CD63: variants seen among roughly 807,000 people sequenced by gnomAD.
CD63 encodes the protein CD63 molecule, also known as CD63 antigen.
CD63 carries 16 observed loss-of-function variants against 29.2 expected under a neutral mutation model. The observed-to-expected ratio is 0.55, with a 90% CI of 0.37 to 0.83. CD63 has a LOEUF of 0.83. Ranked by LOEUF, CD63 falls within the 40% of genes least tolerant of loss-of-function variation. CD63 has a pLI of 0.00. For missense variants in CD63, 251 were observed against 297.3 expected (o/e 0.84, Z 1.15); for synonymous variants, 118 against 111.7 (o/e 1.06, Z -0.36).
chr12:55,726,852 C>G (rs1277240993), intron 4 of CD63, 38 bp downstream of exon 4: 1 of 1,609,730 alleles, frequency 6.2e-7, no homozygotes, highest in Non-Finnish European at 8.5e-7. Context: ...GGTCCCAGAC[C>G]CGGCTGAGGC....
In CD63 at chr12:55,728,293, G is replaced by A. The variant is rs769265888; in HGVS notation, c.49C>T (p.Leu17Phe). 5 of 1,611,026 alleles carry A rather than the reference G, an allele frequency of 3.1e-6. No homozygotes were observed. The highest frequency in any genetic ancestry group is 4.2e-6 in the Non-Finnish European group (5 of 1,179,060). Residue 17 changes from leucine to phenylalanine, a missense_variant, in exon 2 of 8, where the codon CTC becomes TTC. By Grantham distance (22) the Leu-to-Phe change is conservative. Transcript: ENST00000257857. The surrounding 1 kb of genome is among the most constrained non-coding windows in gnomAD (Gnocchi z 4.8). ...CCACTCACGCAAAAGGCCAGCAGGA[G>A]GACGTAGAGCAAGAACTTCACACAT... ...MKCVKFLLYVLLLAFCACAVG... is the reference protein window; with the variant it reads ...MKCVKFLLYVFLLAFCACAVG...
In CD63 at chr12:55,728,478, C is replaced by T; in HGVS notation, c.-11-126G>A. 1 of 1,491,670 alleles carries T rather than the reference C, an allele frequency of 6.7e-7. No individual in the cohort carries two copies. The highest frequency in any genetic ancestry group is 8.9e-7 in the Non-Finnish European group (1 of 1,121,508). 92.4% of individuals were successfully genotyped at this position (1,491,670 alleles called of 1,614,324 possible). On this transcript the variant is annotated intron_variant, in intron 1 of 7. Coordinates refer to ENST00000257857, the MANE Select transcript of CD63 (RefSeq NM_001780.6). This position sits in a 1 kb window ranked among gnomAD's most constrained non-coding sequence, Gnocchi z 4.8. ...ATTCCCGGCCCCTCCCACCCGGAAA[C>T]CCGCGGTCGGATCCACGTCTCCCAG...
downstream of CD63, chr12:55,724,321 G>A (rs1877091022): frequency 6.2e-7 from 1 of 1,614,088 alleles, no homozygotes; most frequent in Non-Finnish European, 8.5e-7. Flanking sequence ...TGGGGCTGCA[G>A]ACCTGAAAAT....
In CD63 at chr12:55,725,451, G is replaced by T; in HGVS notation, c.*110C>A. ...AGGAAGGAATCAAGCATCACTCTAA[G>T]ACAAACTCAGACCATCTCTTTTCGG... On this transcript the variant is annotated 3_prime_UTR_variant, in exon 8 of 8. Transcript: ENST00000257857. 1 of 912,190 alleles carries T rather than the reference G, an allele frequency of 1.1e-6. No individual in the cohort carries two copies. Among genetic ancestry groups the T allele is most frequent in the South Asian group, 1.4e-5 (1 of 73,694 alleles). 56.5% of individuals were successfully genotyped at this position (912,190 alleles called of 1,614,324 possible).
intron 5 of CD63, 61 bp downstream of exon 5, chr12:55,726,639 C>A: frequency 1.5e-6 from 2 of 1,348,370 alleles, no homozygotes; most frequent in Non-Finnish European, 2.1e-6. Flanking sequence ...GTCACCACAC[C>A]CAGCCTTGGA....
upstream of CD63, chr12:55,729,147 G>C (rs983601797): frequency 1.0e-6 from 1 of 984,842 alleles, no homozygotes; most frequent in Non-Finnish European, 1.2e-6. Flanking sequence ...CACTGGGCCC[G>C]GCGCGGGGTG....
chr12:55,724,011 C>A, downstream of CD63: 1 of 1,612,818 alleles, frequency 6.2e-7, no homozygotes, highest in Non-Finnish European at 8.5e-7. Context: ...CTGCCTCCTG[C>A]CACACAGGCC....
chr12:55,725,374 T>A lies in CD63; in HGVS notation c.*187A>T. On this transcript the variant is annotated 3_prime_UTR_variant, in exon 8 of 8. Coordinates refer to ENST00000257857, the MANE Select transcript of CD63 (RefSeq NM_001780.6). Reference sequence around the variant, plus strand: ...TCCCAAACACCCCCCAAAATAGACCTCGAAGTACACATGCATTAAGGTCCC... The same window carrying A: ...TCCCAAACACCCCCCAAAATAGACCACGAAGTACACATGCATTAAGGTCCC... 2 of 611,196 alleles carry A rather than the reference T, an allele frequency of 3.3e-6. No homozygotes were observed. The highest frequency in any genetic ancestry group is 5.8e-6 in the Non-Finnish European group (2 of 344,312). 37.9% of individuals were successfully genotyped at this position (611,196 alleles called of 1,614,324 possible). A position where few individuals can be genotyped will look rare whatever the true frequency, so the allele number is the denominator to read the frequency against.
chr12:55,729,866 G>T (rs1051808564), upstream of CD63: 8 of 152,392 alleles, frequency 5.2e-5, no homozygotes, highest in Non-Finnish European at 1.0e-4. Flanking sequence ...ACATCCTCTG[G>T]ATTTCCCCGT....
chr12:55,726,593 C>T (rs1877397425), intron 5 of CD63, 107 bp downstream of exon 5: 2 of 883,724 alleles, frequency 2.3e-6, no homozygotes, highest in Non-Finnish European at 3.8e-6. Context: ...GATCTGCCCA[C>T]CTCGGCCTTC....
chr12:55,724,611 C>A, downstream of CD63: 1 of 1,339,196 alleles, frequency 7.5e-7, no homozygotes, highest in Non-Finnish European at 1.1e-6. Context: ...TGCCCCCACC[C>A]TGGTACTGCC....
At position 55,728,901 on chromosome 12, in the gene CD63, G is replaced by A; in HGVS notation, c.-12+52C>T. The A allele has an allele frequency of 2.0e-6, 2 of 986,856 alleles. No individual in the cohort carries two copies. The highest frequency in any genetic ancestry group is 4.6e-5 in the South Asian group (1 of 21,948). The allele number at this position is 986,856 out of a possible 1,614,324, so 61.1% of individuals were successfully genotyped here. The stretch of plus-strand genomic sequence containing the variant: ...GGCGAGCCCTGGAGGAAGGGACTGC[G>A]GGTGGTCTCTCCCAGCCCGCGCCGA... On this transcript the variant is annotated intron_variant, in intron 1 of 7. Coordinates refer to ENST00000257857, the MANE Select transcript of CD63 (RefSeq NM_001780.6). The surrounding 1 kb of genome is among the most constrained non-coding windows in gnomAD (Gnocchi z 4.8).
At position 55,726,802 on chromosome 12, in the gene CD63, G is replaced by C. The variant is rs754613898; in HGVS notation, c.331-7C>G. ...TATTAAACTCTGACATCACCTGAGA[G>C]TACGGAGGAGCACTGTTGCAGTCAG... On this transcript the variant is annotated splice_region_variant and splice_polypyrimidine_tract_variant and intron_variant, in intron 4 of 7. Transcript: ENST00000257857. 6.2e-7 allele frequency: 1 copy of C among 1,611,440 alleles called. No individual in the cohort carries two copies. Among genetic ancestry groups the C allele is most frequent in the South Asian group, 1.1e-5 (1 of 91,046 alleles).
chr12:55,726,958 T>A lies in CD63; in HGVS notation c.262A>T (p.Ile88Phe), dbSNP rs967432248. The A allele has an allele frequency of 6.2e-7, 1 of 1,614,028 alleles. No homozygotes were observed. Among genetic ancestry groups the A allele is most frequent in the East Asian group, 2.2e-5 (1 of 44,890 alleles). ...ENYCLMITFA[I>F]FLSLIMLVEV... ...ACCAACATGATAAGAGACAGAAAGA[T>A]GGCAAACTGCAGGAGCAAAGGACAG... is the stretch of plus-strand genomic sequence containing the variant. Residue 88 changes from isoleucine (I) to phenylalanine (F), a missense_variant, in exon 4 of 8, where the codon ATC (isoleucine) becomes TTC (phenylalanine). Coordinates refer to ENST00000257857, the MANE Select transcript of CD63 (RefSeq NM_001780.6).
rs1877257304 is a variant in CD63 at position 55,725,806 on chromosome 12, C to G, written c.651+7G>C. ...AGTCCCAGCCCCTGCTCAGGGTTAT[C>G]TCTTACCTCGACAAAAGCAATTCCA... On this transcript the variant is annotated splice_region_variant and intron_variant, in intron 7 of 7. Transcript: ENST00000257857. The G allele has an allele frequency of 6.2e-7, 1 of 1,613,692 alleles. No individual in the cohort carries two copies. Among genetic ancestry groups the G allele is most frequent in the Non-Finnish European group, 8.5e-7 (1 of 1,179,608 alleles).
intron 2 of CD63, chr12:55,727,923 G>A: frequency 8.6e-7 from 1 of 1,168,536 alleles, no homozygotes; most frequent in Non-Finnish European, 1.1e-6. Flanking sequence ...AGAGGGTTGG[G>A]GAGGGAGAGA....
rs1194349346 is a variant in CD63, at chr12:55,727,440, C to T, written c.67-101G>A. On this transcript the variant is annotated intron_variant, in intron 2 of 7. Coordinates refer to ENST00000257857, the MANE Select transcript of CD63 (RefSeq NM_001780.6). ...CCTAGGACACAGACTTGACCCCATCCGGAAGAGAGATTCTCACACCTCTAG... is the reference window on the plus strand; with the variant it reads ...CCTAGGACACAGACTTGACCCCATCTGGAAGAGAGATTCTCACACCTCTAG... 20 of 1,290,168 alleles carry T rather than the reference C, an allele frequency of 1.6e-5. 1 individual carries two copies. In the South Asian group the frequency reaches 2.5e-4, roughly 16 times the overall value. 79.9% of individuals were successfully genotyped at this position (1,290,168 alleles called of 1,614,324 possible).
chr12:55,727,601 G>C, intron 2 of CD63: 1 of 1,249,970 alleles, frequency 8.0e-7, no homozygotes, highest in South Asian at 2.5e-5. Flanking sequence ...CTCAAGACAC[G>C]TATTTCTGAC....
chr12:55,729,169 C>T (rs1355823011), upstream of CD63: 3 of 981,576 alleles, frequency 3.1e-6, no homozygotes, highest in East Asian at 1.1e-4. Flanking sequence ...GCCGAGCCCC[C>T]CGCCCGGCCA....
Sources: allele counts gnomAD v4.1 joint callset, GRCh38; gene constraint gnomAD v4.1.1; non-coding constraint Gnocchi (gnomAD v3.1); transcripts MANE v1.5; gene names NCBI Gene and HGNC (gene_info 2026-07-23, HGNC 2026-07-21).